Variants in DHRS2 observed in about 807,000 individuals in gnomAD.
The protein encoded by DHRS2 is dehydrogenase/reductase 2.
DHRS2 carries 29 observed loss-of-function variants against 26.3 expected under a neutral mutation model. The observed-to-expected ratio is 1.10, with a 90% CI of 0.82 to 1.50. DHRS2 has a LOEUF of 1.50. Among genes scored for constraint, DHRS2 ranks in the 40% most tolerant of loss-of-function variants. The pLI is 0.00. For missense variants in DHRS2, 439 were observed against 367.1 expected (o/e 1.20, Z -1.60); for synonymous variants, 164 against 151.3 (o/e 1.08, Z -0.62).
upstream of DHRS2, among the ~76,000 whole-genome samples, chr14:23,634,723 T>C (rs1890220201): frequency 6.6e-6 from 1 of 152,200 alleles, no homozygotes; most frequent in African/African-American, 2.4e-5. Context: ...TTGATATGGT[T>C]TAGGTCTGTG....
Position 23,638,993 on chromosome 14 carries a change from G to T in DHRS2, c.129G>T (p.Gly43=), listed in dbSNP as rs757218249. 1.1e-5 allele frequency: 18 copies of T among 1,613,118 alleles called. No individual in the cohort carries two copies. Among genetic ancestry groups the T allele is most frequent in the Non-Finnish European group, 1.4e-5 (16 of 1,179,986 alleles). The change falls in exon 2 of 9, where the codon GGG becomes GGT. Residue 43 remains glycine (G), a synonymous_variant. Transcript: ENST00000250383. ...VLANRVAVVT[G]STSGIGFAIA... is the part of the protein sequence containing the mutation. ...CTAACCGGGTAGCCGTGGTCACGGG[G>T]TCCACCAGTGGGTGAGTGCTGGATT...
intron 2 of DHRS2, 37 bp from the exon 3 acceptor site, chr14:23,639,142 G>C: frequency 3.1e-6 from 5 of 1,607,308 alleles, no homozygotes; most frequent in Non-Finnish European, 4.2e-6. Context: ...GTGGAGAGAG[G>C]CTGAGGCTGA....
intron 6 of DHRS2, 118 bp downstream of exon 6, chr14:23,644,280 C>T: frequency 1.3e-6 from 2 of 1,554,464 alleles, no homozygotes; most frequent in Non-Finnish European, 8.9e-7. Context: ...TCCTGCTGCC[C>T]TGGGCTGAGC....
At chr14:23,639,995 G>A in intron 4 of DHRS2, 100 bp downstream of exon 4, 8 of 1,081,244 alleles carry the variant, frequency 7.4e-6, no homozygotes, top group Non-Finnish European at 1.2e-6. Flanking sequence ...TCCCTCCAGA[G>A]GTTATGGGAG....
At chr14:23,645,018 T>G in intron 8 of DHRS2, 124 bp from the exon 9 acceptor site, 1 of 1,564,776 alleles carries the variant, frequency 6.4e-7, no homozygotes, top group Non-Finnish European at 8.8e-7. Context: ...CCCTGGAGGG[T>G]GCAAGTAGCC....
At chr14:23,640,509 T>C in intron 4 of DHRS2, 1 of 886,216 alleles carries the variant, frequency 1.1e-6, no homozygotes, top group Non-Finnish European at 1.4e-6. Flanking sequence ...GAAGCTCATC[T>C]TGGGCCTAGT....
chr14:23,641,700 A>C, intron 4 of DHRS2: 1 of 1,289,796 alleles, frequency 7.8e-7, no homozygotes, highest in Non-Finnish European at 1.0e-6. Flanking sequence ...TGACATCTGG[A>C]CCACTTCTTG....
intron 1 of DHRS2, chr14:23,638,154 C>G (rs758390841): frequency 6.5e-6 from 1 of 153,120 alleles, no homozygotes; most frequent in African/African-American, 2.4e-5. Context: ...CAACTCCAGA[C>G]GCACTGCCTT....
Position 23,645,335 on chromosome 14 carries a change from G to T in DHRS2, c.*82G>T. 3 of 1,604,496 alleles carry T rather than the reference G, an allele frequency of 1.9e-6. No individual in the cohort carries two copies. In the South Asian group the frequency reaches 3.3e-5, roughly 18 times the overall value. ...TCTAGGTGATCATTTGGATCTGGAG[G>T]CAGAGTCTGCCATTCTGCCAGACTA... is the stretch of plus-strand genomic sequence containing the variant. On this transcript the variant is annotated 3_prime_UTR_variant, in exon 9 of 9. Transcript: ENST00000250383.
chr14:23,637,713 C>G (rs927467072), intron 1 of DHRS2, among the ~76,000 whole-genome samples: 1 of 152,168 alleles, frequency 6.6e-6, no homozygotes, highest in African/African-American at 2.4e-5. Context: ...GTGCAGCACT[C>G]TATGTCTAGC....
rs559106320 is a variant in DHRS2, at chr14:23,645,462, CAT to C, written c.*210_*211del. 70 of 1,008,190 alleles carry C rather than the reference CAT, an allele frequency of 6.9e-5. 1 individual carries two copies. Among genetic ancestry groups the C allele is most frequent in the African/African-American group, 1.6e-4 (10 of 61,164 alleles). The allele number at this position is 1,008,190 out of a possible 1,614,324, so 62.5% of individuals were successfully genotyped here. A position where few individuals can be genotyped will look rare whatever the true frequency, so the allele number is the denominator to read the frequency against. On this transcript the variant is annotated 3_prime_UTR_variant, in exon 9 of 9. Transcript: ENST00000250383. ...TTGTAGATTTGGCTGATCCAATTAA[CAT>C]GTGGGGTTCTTGGTGTGGGTCTGGG...
upstream of DHRS2, among the ~76,000 whole-genome samples, chr14:23,632,246 T>C (rs1890141954): frequency 6.6e-6 from 1 of 152,030 alleles, no homozygotes; most frequent in South Asian, 2.1e-4. Context: ...AGGAGAGGAG[T>C]TCCCCAGGGG....
At chr14:23,631,776 C>A (rs1435310379), upstream of DHRS2, among the ~76,000 whole-genome samples, 1 of 152,126 alleles carries the variant, frequency 6.6e-6, no homozygotes, top group Admixed American at 6.5e-5. Flanking sequence ...CTGCAGCTGA[C>A]CGAGCTGACT....
rs200601829 is a variant in DHRS2 at position 23,644,099 on chromosome 14, G to C, written c.489-12G>C. ...CTTAGCTTCAGCTTCTCTTATGTTT[G>C]TCTTGTCTCAGGAGGGGTGCTGTCA... On this transcript the variant is annotated splice_polypyrimidine_tract_variant and intron_variant, in intron 5 of 8. Coordinates refer to ENST00000250383, the MANE Select transcript of DHRS2 (RefSeq NM_005794.4). 6.2e-7 allele frequency: 1 copy of C among 1,614,004 alleles called. No homozygotes were observed.
Position 23,644,399 on chromosome 14 carries a change from C to A in DHRS2, c.541-10C>A. ...CCATATCCTAATCACTCTGTCAATT[C>A]CCTTCCCAGGCGCTGGGTGTCTACA... On this transcript the variant is annotated splice_polypyrimidine_tract_variant and intron_variant, in intron 6 of 8. Transcript: ENST00000250383. 2 of 1,614,034 alleles carry A rather than the reference C, an allele frequency of 1.2e-6. No homozygotes were observed. The highest frequency in any genetic ancestry group is 1.7e-6 in the Non-Finnish European group (2 of 1,180,004).
intron 3 of DHRS2, 118 bp downstream of exon 3, chr14:23,639,474 CTG>C: frequency 7.3e-7 from 1 of 1,371,382 alleles, no homozygotes; most frequent in South Asian, 1.6e-5. Flanking sequence ...TGCACCCAGG[CTG>C]CCCAAGCTAA....
chr14:23,641,551 C>T lies in DHRS2; in HGVS notation c.421-1601C>T, dbSNP rs146709657. 9.7e-3 allele frequency: 12,067 copies of T among 1,243,622 alleles called. 72 individuals carry two copies. Among genetic ancestry groups the T allele is most frequent in the Non-Finnish European group, 0.011 (10,705 of 960,854 alleles). 77.0% of individuals were successfully genotyped at this position (1,243,622 alleles called of 1,614,324 possible). A position where few individuals can be genotyped will look rare whatever the true frequency, so the allele number is the denominator to read the frequency against. On this transcript the variant is annotated intron_variant, in intron 4 of 8. Transcript: ENST00000250383. ...GTCCAGGAGGGGTCTTACCTCAGCC[C>T]CTCACTCAGCCTGATGCACATGGAG... is the stretch of plus-strand genomic sequence containing the variant.
chr14:23,645,215 G>A lies in DHRS2; in HGVS notation c.805G>A (p.Glu269Lys). Residue 269 changes from glutamate to lysine, a missense_variant, in exon 9 of 9, where the codon GAG becomes AAG. Transcript: ENST00000250383. ...TCCAGATGCCAGCTACGTCAACGGG[G>A]AGAACATTGCGGTGGCAGGCTACTC... Reference protein sequence around the residue: ...CSPDASYVNGENIAVAGYSTR... With the variant: ...CSPDASYVNGKNIAVAGYSTR... 6.2e-7 allele frequency: 1 copy of A among 1,614,186 alleles called. No individual in the cohort carries two copies.
At chr14:23,634,741 C>G (rs1339795859), upstream of DHRS2, among the ~76,000 whole-genome samples, 1 of 152,058 alleles carries the variant, frequency 6.6e-6, no homozygotes, top group Admixed American at 6.5e-5. Flanking sequence ...GTGTCCCTGC[C>G]CAAATCTCAT....
Sources: gnomAD v4.1 joint callset for allele counts (sites outside exome capture counted in the v4.1 genomes callset) on GRCh38, gnomAD v4.1.1 for gene constraint, MANE v1.5 for transcripts, NCBI Gene and HGNC (gene_info 2026-07-23, HGNC 2026-07-21) for gene names.